The following MSRA variants were observed in gnomAD, a reference collection of about 807,000 sequenced individuals.
MSRA encodes the protein mitochondrial peptide methionine sulfoxide reductase.
A neutral mutation model predicts 31.3 loss-of-function variants in MSRA; 54 were observed. The observed-to-expected ratio is 1.73, with a 90% CI of 1.39 to 2.17. MSRA has a LOEUF of 2.17. Ranked by LOEUF, MSRA falls within the 30% of genes most tolerant of loss-of-function variation. The pLI, the probability that MSRA is intolerant of heterozygous loss-of-function variation, is 0.00. For synonymous variants in MSRA, 169 were observed against 116.5 expected (o/e 1.45, Z -2.90); for missense variants, 507 against 300.9 (o/e 1.69, Z -5.07).
chr8:10,153,485 C>T (rs567267408), intron 1 of MSRA, among the ~76,000 whole-genome samples: 2 of 150,400 alleles, frequency 1.3e-5, no homozygotes, highest in African/African-American at 4.9e-5. Flanking sequence ...ATGCTCACAC[C>T]AGCGTCTTTC....
chr8:10,250,557 G>C, intron 3 of MSRA: 1 of 686,614 alleles, frequency 1.5e-6, no homozygotes, highest in South Asian at 1.5e-5. Flanking sequence ...AGCAGCACGG[G>C]AAATCTGAGG....
intron 5 of MSRA, among the ~76,000 whole-genome samples, chr8:10,415,248 C>T (rs989713711): frequency 6.6e-6 from 1 of 152,182 alleles, no homozygotes; most frequent in Non-Finnish European, 1.5e-5. Context: ...GAAGGAAGGA[C>T]CCATTCCCCT....
intron 1 of MSRA, among the ~76,000 whole-genome samples, chr8:10,080,860 T>G (rs1462059651): frequency 1.3e-5 from 2 of 152,108 alleles, no homozygotes; most frequent in Admixed American, 1.3e-4. Context: ...ATCTTGAGTG[T>G]GAAATTTGTT....
chr8:10,095,392 C>T (rs1405787895), intron 1 of MSRA, among the ~76,000 whole-genome samples: 1 of 152,184 alleles, frequency 6.6e-6, no homozygotes, highest in East Asian at 1.9e-4. Context: ...GAAGTCGATG[C>T]TGTTGGTGCC....
chr8:10,074,375 C>A (rs537603075), intron 1 of MSRA, among the ~76,000 whole-genome samples: 9 of 151,984 alleles, frequency 5.9e-5, no homozygotes, highest in African/African-American at 2.2e-4. Flanking sequence ...AGCTGCCGCA[C>A]CCAGCCTGTC....
At chr8:10,319,300 T>C (rs1405648999) in intron 4 of MSRA, among the ~76,000 whole-genome samples, 1 of 152,126 alleles carries the variant, frequency 6.6e-6, no homozygotes, top group African/African-American at 2.4e-5. Flanking sequence ...ACTGTCACAC[T>C]CAGATAGAAA....
intron 3 of MSRA, among the ~76,000 whole-genome samples, chr8:10,273,703 C>T (rs1329332617): frequency 6.6e-6 from 1 of 152,110 alleles, no homozygotes; most frequent in East Asian, 1.9e-4. Context: ...TTACCTTATG[C>T]TATGTTTATG....
Position 10,341,157 on chromosome 8 carries a change from G to A in MSRA, c.543+21168G>A, listed in dbSNP as rs150712272. The stretch of plus-strand genomic sequence containing the variant: ...AACTCCTGTATTAGGCAGTTCTCGC[G>A]TTGCCATAAATACCTGAGACTGAGT... On this transcript the variant is annotated intron_variant, in intron 5 of 5. Transcript: ENST00000317173. Among the ~76,000 whole-genome samples, 693 of 152,258 alleles carry A rather than the reference G, an allele frequency of 4.6e-3. 1 individual carries two copies. Among genetic ancestry groups the A allele is most frequent in the African/African-American group, 0.014 (594 of 41,548 alleles).
intron 5 of MSRA, among the ~76,000 whole-genome samples, chr8:10,400,942 A>T (rs568912828): frequency 3.9e-5 from 6 of 152,322 alleles, no homozygotes; most frequent in African/African-American, 1.4e-4. Context: ...ACATAGAGGA[A>T]AGTCTTCACT....
intron 2 of MSRA, among the ~76,000 whole-genome samples, chr8:10,226,731 G>GT (rs534193243): frequency 7.5e-4 from 112 of 150,114 alleles, no homozygotes; most frequent in African/African-American, 2.7e-3. Flanking sequence ...TTGTTTGTTT[G>GT]TTTTTTGTTT....
chr8:10,254,228 A>G (rs900610552), intron 3 of MSRA, among the ~76,000 whole-genome samples: 51 of 152,260 alleles, frequency 3.3e-4, no homozygotes, highest in African/African-American at 1.0e-3. Context: ...CTCTGACTGG[A>G]GCGTTCTGAT....
At chr8:10,165,789 C>T (rs1805073499) in intron 1 of MSRA, among the ~76,000 whole-genome samples, 1 of 152,188 alleles carries the variant, frequency 6.6e-6, no homozygotes, top group African/African-American at 2.4e-5. Flanking sequence ...AGGATTGCAG[C>T]ACGGGTGAAA....
chr8:10,080,942 G>A (rs1174194274), intron 1 of MSRA, among the ~76,000 whole-genome samples: 1 of 152,214 alleles, frequency 6.6e-6, no homozygotes, highest in African/African-American at 2.4e-5. Flanking sequence ...GCAGAAGGCT[G>A]TTGGGCAAGG....
chr8:10,415,830 C>G (rs1283782422), intron 5 of MSRA, among the ~76,000 whole-genome samples: 1 of 151,906 alleles, frequency 6.6e-6, no homozygotes, highest in Non-Finnish European at 1.5e-5. Context: ...CTACTCCTGC[C>G]TACTGTCAAA....
intron 1 of MSRA, among the ~76,000 whole-genome samples, chr8:10,204,622 G>A (rs1321536507): frequency 1.3e-5 from 2 of 152,220 alleles, no homozygotes; most frequent in Non-Finnish European, 2.9e-5. Flanking sequence ...ATCTAGGTTT[G>A]TGTAAGTGCA....
chr8:10,288,742 G>A (rs1800071197), intron 3 of MSRA, among the ~76,000 whole-genome samples: 1 of 152,182 alleles, frequency 6.6e-6, no homozygotes, highest in South Asian at 2.1e-4. Flanking sequence ...TTAGAGCCAT[G>A]CTTCCTGAGC....
At chr8:10,416,312 C>T (rs1308984119) in intron 5 of MSRA, among the ~76,000 whole-genome samples, 2 of 152,250 alleles carry the variant, frequency 1.3e-5, no homozygotes, top group Non-Finnish European at 2.9e-5. Flanking sequence ...AACTTCTTCA[C>T]AGAGAAATCT....
chr8:10,366,861 A>G (rs1301037377), intron 5 of MSRA, among the ~76,000 whole-genome samples: 1 of 152,062 alleles, frequency 6.6e-6, no homozygotes, highest in Non-Finnish European at 1.5e-5. Context: ...ACCAGACCCA[A>G]GGCTGCCAGA....
At chr8:10,064,798 G>C (rs868139636) in intron 1 of MSRA, among the ~76,000 whole-genome samples, 23 of 152,058 alleles carry the variant, frequency 1.5e-4, no homozygotes, top group Admixed American at 3.3e-4. Flanking sequence ...GTTCAGATGA[G>C]GCCACAAATT....
Sources: allele counts gnomAD v4.1 joint callset (sites outside exome capture counted in the v4.1 genomes callset), GRCh38; gene constraint gnomAD v4.1.1; transcripts MANE v1.5; gene names NCBI Gene and HGNC (gene_info 2026-07-23, HGNC 2026-07-21).